DAB1: variants seen among roughly 807,000 people sequenced by gnomAD.
DAB1 encodes the protein disabled homolog 1.
Under a neutral mutation model 64.6 loss-of-function variants are expected in DAB1, and 15 were observed. The observed-to-expected ratio is 0.23, with a 90% CI of 0.16 to 0.36. DAB1 has a LOEUF of 0.36. Ranked by LOEUF, DAB1 falls within the 10% of genes least tolerant of loss-of-function variation. The pLI, the probability that DAB1 is intolerant of heterozygous loss-of-function variation, is 1.00. For missense variants in DAB1, 596 were observed against 706.7 expected (o/e 0.84, Z 1.78); for synonymous variants, 235 against 251.9 (o/e 0.93, Z 0.64).
chr1:57,773,850 T>A (rs753325413), intron 6 of DAB1, among the ~76,000 whole-genome samples: 1 of 152,064 alleles, frequency 6.6e-6, no homozygotes, highest in Non-Finnish European at 1.5e-5. Flanking sequence ...CTGTTCTGTT[T>A]CATTTAATGA....
intron 5 of DAB1, among the ~76,000 whole-genome samples, chr1:57,936,861 C>T (rs1477049423): frequency 6.6e-6 from 1 of 152,056 alleles, no homozygotes; most frequent in African/African-American, 2.4e-5. Flanking sequence ...TCTTGCTGAG[C>T]CATCCAATTT....
chr1:57,600,577 C>G (rs1386412620), intron 7 of DAB1, among the ~76,000 whole-genome samples: 1 of 152,086 alleles, frequency 6.6e-6, no homozygotes, highest in African/African-American at 2.4e-5. Flanking sequence ...CCTGGGGGGT[C>G]GGGATGGGTT....
intron 1 of DAB1, among the ~76,000 whole-genome samples, chr1:57,394,696 T>C (rs544600855): frequency 6.6e-6 from 1 of 152,346 alleles, no homozygotes; most frequent in South Asian, 2.1e-4. Context: ...AGCATTTTCA[T>C]GTCTACAAAA....
intron 5 of DAB1, among the ~76,000 whole-genome samples, chr1:58,018,464 C>A (rs1161437316): frequency 1.3e-5 from 2 of 152,156 alleles, no homozygotes; most frequent in African/African-American, 2.4e-5. Context: ...ATGTAATAGG[C>A]TTTGAGCCAC....
intron 5 of DAB1, among the ~76,000 whole-genome samples, chr1:58,112,093 C>T (rs1427225881): frequency 1.3e-5 from 2 of 152,148 alleles, no homozygotes; most frequent in African/African-American, 4.8e-5. Context: ...CATTCTCCAC[C>T]CTCAGGCCCT....
chr1:57,178,973 G>A (rs1292313397), intron 2 of DAB1, among the ~76,000 whole-genome samples: 1 of 152,010 alleles, frequency 6.6e-6, no homozygotes, highest in Admixed American at 6.6e-5. Context: ...TAAAAGCAAT[G>A]GACTCACTTA....
intron 6 of DAB1, among the ~76,000 whole-genome samples, chr1:57,750,959 T>G (rs1648522994): frequency 6.6e-6 from 1 of 152,166 alleles, no homozygotes; most frequent in Non-Finnish European, 1.5e-5. Context: ...AACATTTTGA[T>G]CATATTTCTA....
intron 7 of DAB1, among the ~76,000 whole-genome samples, chr1:57,481,829 A>G (rs957000420): frequency 6.6e-6 from 1 of 152,108 alleles, no homozygotes; most frequent in African/African-American, 2.4e-5. Context: ...AAAAAAAAAA[A>G]AGAGATAATG....
At chr1:57,096,644 A>G (rs1035954779) in intron 4 of DAB1, among the ~76,000 whole-genome samples, 1 of 152,166 alleles carries the variant, frequency 6.6e-6, no homozygotes, top group Non-Finnish European at 1.5e-5. Context: ...CACCCAAGCT[A>G]CAGTCACTCC....
intron 3 of DAB1, among the ~76,000 whole-genome samples, chr1:58,364,241 G>A (rs1192398875): frequency 6.6e-6 from 1 of 152,236 alleles, no homozygotes; most frequent in Non-Finnish European, 1.5e-5. Context: ...GTGTGAAGAG[G>A]TTGGCTTGGG....
intron 5 of DAB1, among the ~76,000 whole-genome samples, chr1:57,989,365 C>T (rs936355693): frequency 1.3e-5 from 2 of 152,156 alleles, no homozygotes; most frequent in South Asian, 2.1e-4. Context: ...TCACATTACA[C>T]AAAGATCAAA....
At chr1:57,789,165 G>A (rs1650473676) in intron 6 of DAB1, among the ~76,000 whole-genome samples, 1 of 152,120 alleles carries the variant, frequency 6.6e-6, no homozygotes, top group South Asian at 2.1e-4. Flanking sequence ...AAAGGTGCCA[G>A]GAAGATCCTC....
At chr1:57,734,106 G>A (rs76780527) in intron 6 of DAB1, among the ~76,000 whole-genome samples, 2,413 of 151,904 alleles carry the variant, frequency 0.016, 49 homozygotes, top group Admixed American at 0.05. Context: ...CTCAGGAGGC[G>A]TGGATAAAAA....
At chr1:57,344,518 A>G (rs1299556092) in intron 1 of DAB1, among the ~76,000 whole-genome samples, 4 of 152,020 alleles carry the variant, frequency 2.6e-5, no homozygotes, top group Admixed American at 2.6e-4. Context: ...ATTGTACACA[A>G]TTAGTTCAAA....
At chr1:58,427,513 T>G (rs1191116317) in intron 3 of DAB1, among the ~76,000 whole-genome samples, 2 of 152,112 alleles carry the variant, frequency 1.3e-5, no homozygotes, top group Admixed American at 1.3e-4. Flanking sequence ...AAAGCTTAGT[T>G]CAGGGTGGCA....
chr1:57,937,613 G>A (rs1645045216), intron 5 of DAB1, among the ~76,000 whole-genome samples: 1 of 152,262 alleles, frequency 6.6e-6, no homozygotes, highest in East Asian at 1.9e-4. Flanking sequence ...AGTACTAAGA[G>A]ACAGAGCTTT....
intron 7 of DAB1, among the ~76,000 whole-genome samples, chr1:57,467,663 C>T (rs1436408796): frequency 6.6e-6 from 1 of 152,070 alleles, no homozygotes; most frequent in African/African-American, 2.4e-5. Flanking sequence ...ATTTGCTGTA[C>T]ATCCAGCACA....
intron 1 of DAB1, among the ~76,000 whole-genome samples, chr1:57,395,059 A>G (rs1011025890): frequency 2.0e-5 from 3 of 152,084 alleles, no homozygotes; most frequent in Non-Finnish European, 4.4e-5. Flanking sequence ...GAGTCTCACT[A>G]TGTCACCGAG....
At chr1:57,553,382 A>AAGAGAGAAAG (rs60491103) in intron 7 of DAB1, among the ~76,000 whole-genome samples, 1 of 95,782 alleles carries the variant, frequency 1.0e-5, no homozygotes, top group Non-Finnish European at 1.9e-5. Context: ...GGAAGGAAGA[A>AAGAGAGAAAG]AGAGAAAGAA....
Sources: allele counts gnomAD v4.1 joint callset (sites outside exome capture counted in the v4.1 genomes callset), GRCh38; gene constraint gnomAD v4.1.1; transcripts MANE v1.5; gene names NCBI Gene and HGNC (gene_info 2026-07-23, HGNC 2026-07-21).